Variants in OSBPL8 observed in about 807,000 individuals in gnomAD.
OSBPL8 encodes oxysterol binding protein like 8, also known as oxysterol-binding protein-related protein 8.
Under a neutral mutation model 125.5 loss-of-function variants are expected in OSBPL8, and 59 were observed. That is an observed-to-expected ratio of 0.47 (90% CI 0.38 to 0.58). The LOEUF (loss-of-function observed/expected upper bound fraction) is 0.58. Ranked by LOEUF, OSBPL8 falls within the 20% of genes least tolerant of loss-of-function variation. The pLI, the probability that OSBPL8 is intolerant of heterozygous loss-of-function variation, is 0.00. For missense variants in OSBPL8, 758 were observed against 1,047.8 expected, an observed-to-expected ratio of 0.72 and a Z score of 3.82; for synonymous variants, 330 against 338.9, an observed-to-expected ratio of 0.97 and a Z score of 0.29.
chr12:76,371,401 A>T (rs1372291860), intron 19 of OSBPL8, 47 bp downstream of exon 19: 1 of 1,502,562 alleles, frequency 6.7e-7, no homozygotes, highest in East Asian at 2.3e-5. Flanking sequence ...GAATTGAAAA[A>T]CTACTCTCTG....
intron 14 of OSBPL8, among the ~76,000 whole-genome samples, chr12:76,384,730 A>G (rs975663793): frequency 6.6e-6 from 1 of 152,150 alleles, no homozygotes; most frequent in Non-Finnish European, 1.5e-5. Context: ...CCCTACAGAG[A>G]GGGCTACGTG....
intron 4 of OSBPL8, among the ~76,000 whole-genome samples, chr12:76,444,311 T>A (rs142952509): frequency 8.7e-4 from 133 of 152,268 alleles, no homozygotes; most frequent in Non-Finnish European, 1.3e-3. Context: ...AAATCAAACA[T>A]ACCTATTATA....
intron 1 of OSBPL8, among the ~76,000 whole-genome samples, chr12:76,501,861 T>C (rs1565949342): frequency 6.6e-6 from 1 of 152,242 alleles, no homozygotes; most frequent in East Asian, 1.9e-4. Context: ...TTGTTCCTAC[T>C]TGAATAAATT....
chr12:76,526,499 T>C (rs1950175836), intron 1 of OSBPL8, among the ~76,000 whole-genome samples: 1 of 151,948 alleles, frequency 6.6e-6, no homozygotes, highest in South Asian at 2.1e-4. Flanking sequence ...GCCTTTAACT[T>C]TGATTAGCCT....
intron 15 of OSBPL8, among the ~76,000 whole-genome samples, chr12:76,383,158 CA>C (rs1953134933): frequency 6.6e-6 from 1 of 151,904 alleles, no homozygotes; most frequent in South Asian, 2.1e-4. Flanking sequence ...TGTACTATAA[CA>C]CAGAAAAAAG....
intron 5 of OSBPL8, 61 bp downstream of exon 5, chr12:76,410,503 G>A: frequency 1.6e-6 from 2 of 1,235,146 alleles, no homozygotes; most frequent in Non-Finnish European, 2.3e-6. Context: ...TTCAGTGTTA[G>A]TTCCCTCATC....
chr12:76,438,823 T>C (rs969251201), intron 4 of OSBPL8, among the ~76,000 whole-genome samples: 1 of 152,340 alleles, frequency 6.6e-6, no homozygotes, highest in East Asian at 1.9e-4. Flanking sequence ...ACAACCCTGA[T>C]GTGAGTACAA....
intron 4 of OSBPL8, among the ~76,000 whole-genome samples, chr12:76,424,577 G>C (rs1869912788): frequency 6.6e-6 from 1 of 152,124 alleles, no homozygotes; most frequent in South Asian, 2.1e-4. Flanking sequence ...TAATAGTTAA[G>C]CAGGATTTGA....
Position 76,369,754 on chromosome 12 carries a change from A to G in OSBPL8, c.2123T>C (p.Val708Ala), listed in dbSNP as rs138058442. ...AGCTTGTCTTTGAGCTTCTTCCAAAACATACTTCTCTTGGGTAGCTTCAGT... is the reference window on the plus strand; with the variant it reads ...AGCTTGTCTTTGAGCTTCTTCCAAAGCATACTTCTCTTGGGTAGCTTCAGT... Reference protein sequence around the residue: ...DQTEATQEKYVLEEAQRQAAR... With the variant: ...DQTEATQEKYALEEAQRQAAR... Residue 708 changes from valine to alanine, a missense_variant, in exon 20 of 24, where the codon GTT becomes GCT. Val to Ala is a moderately conservative substitution (Grantham distance 64, BLOSUM62 0). Around this residue, in one of 3 missense-constraint regions of OSBPL8, gnomAD observed 572 missense variants for 762.0 expected, o/e 0.75. Coordinates refer to ENST00000261183, the MANE Select transcript of OSBPL8 (RefSeq NM_020841.5). 1.2e-4 allele frequency: 195 copies of G among 1,613,612 alleles called. No individual in the cohort carries two copies. The African/African-American group carries it at 2.0e-3, about 17-fold the overall frequency.
chr12:76,537,677 G>C (rs1342814198), intron 1 of OSBPL8, among the ~76,000 whole-genome samples: 2 of 152,168 alleles, frequency 1.3e-5, no homozygotes, highest in African/African-American at 4.8e-5. Flanking sequence ...GGGAGGCTGA[G>C]GCAGGTGGAT....
chr12:76,390,242 A>G, intron 11 of OSBPL8, 178 bp downstream of exon 11: 1 of 541,840 alleles, frequency 1.8e-6, no homozygotes, highest in Non-Finnish European at 3.2e-6. Context: ...TATTTATGTG[A>G]GTATATGTGT....
At chr12:76,546,876 G>A (rs1950797015) in intron 1 of OSBPL8, among the ~76,000 whole-genome samples, 1 of 152,058 alleles carries the variant, frequency 6.6e-6, no homozygotes, top group Non-Finnish European at 1.5e-5. Context: ...CCTGGACAAT[G>A]AGCAAATTTA....
intron 16 of OSBPL8, among the ~76,000 whole-genome samples, chr12:76,376,311 A>G (rs901984154): frequency 6.6e-6 from 1 of 152,244 alleles, no homozygotes; most frequent in Admixed American, 6.5e-5. Flanking sequence ...ATGCTAAGGC[A>G]GCCTTTAACA....
At chr12:76,403,540 G>A (rs1351964656) in intron 5 of OSBPL8, among the ~76,000 whole-genome samples, 1 of 152,138 alleles carries the variant, frequency 6.6e-6, no homozygotes, top group Non-Finnish European at 1.5e-5. Context: ...CTTGTTTAAA[G>A]AGACCACATA....
At chr12:76,538,539 T>A (rs948696446) in intron 1 of OSBPL8, among the ~76,000 whole-genome samples, 1 of 152,194 alleles carries the variant, frequency 6.6e-6, no homozygotes, top group Non-Finnish European at 1.5e-5. Flanking sequence ...TAAGAATGAT[T>A]AAAGGGATGA....
Position 76,378,430 on chromosome 12 carries a change from T to C in OSBPL8, c.1729+22A>G, listed in dbSNP as rs1952911097. 2.7e-6 allele frequency: 4 copies of C among 1,455,274 alleles called. No individual in the cohort carries two copies. The African/African-American group carries it at 4.3e-5, about 16-fold the overall frequency. The allele number at this position is 1,455,274 out of a possible 1,614,324, so 90.1% of individuals were successfully genotyped here. On this transcript the variant is annotated intron_variant, in intron 16 of 23. Transcript: ENST00000261183. ...CTTAAAAGGAAAGCTTAATATCTAA[T>C]TCAAGTATAGAAAATATTTACCTTT... is the stretch of plus-strand genomic sequence containing the variant.
chr12:76,498,179 C>T (rs951802417), intron 1 of OSBPL8, among the ~76,000 whole-genome samples: 4 of 152,140 alleles, frequency 2.6e-5, no homozygotes, highest in African/African-American at 7.2e-5. Flanking sequence ...CCCAGGCGGG[C>T]GGATCACCTG....
intron 2 of OSBPL8, among the ~76,000 whole-genome samples, chr12:76,479,816 A>C (rs1437632241): frequency 1.3e-5 from 2 of 152,198 alleles, no homozygotes; most frequent in Non-Finnish European, 2.9e-5. Flanking sequence ...GAGATTTAAA[A>C]GATTCAAAAA....
At chr12:76,428,837 T>A (rs906350943) in intron 4 of OSBPL8, among the ~76,000 whole-genome samples, 10 of 152,106 alleles carry the variant, frequency 6.6e-5, no homozygotes, top group African/African-American at 2.4e-4. Context: ...ACAAGTCTAT[T>A]CATAACATTA....
Sources: allele counts gnomAD v4.1 joint callset (sites outside exome capture counted in the v4.1 genomes callset), GRCh38; gene constraint gnomAD v4.1.1; regional missense constraint gnomAD v4.1.1; transcripts MANE v1.5; gene names NCBI Gene and HGNC (gene_info 2026-07-23, HGNC 2026-07-21).